Variants in PIK3C2G observed in about 807,000 individuals in gnomAD.
PIK3C2G encodes phosphatidylinositol 3-kinase C2 domain-containing subunit gamma.
In PIK3C2G, 168 loss-of-function variants were observed where a neutral mutation model predicts 181.1. The ratio of observed to expected loss-of-function variants is 0.93; its 90% CI spans 0.82 to 1.05. PIK3C2G has a LOEUF of 1.05. PIK3C2G is among the 50% of genes least tolerant of loss of function. The pLI is 0.00. For missense variants in PIK3C2G, 1,869 were observed against 1,732.8 expected, an observed-to-expected ratio of 1.08 and a Z score of -1.40; for synonymous variants, 573 against 592.2, an observed-to-expected ratio of 0.97 and a Z score of 0.47.
the PIK3C2G span, among the ~76,000 whole-genome samples, chr12:18,709,321 A>G: frequency 6.6e-6 from 1 of 152,016 alleles, no homozygotes; most frequent in Non-Finnish European, 1.5e-5. Flanking sequence ...AATTAGGTTG[A>G]CCATATATGC....
chr12:18,592,822 A>G (rs1947154814), intron 29 of PIK3C2G, among the ~76,000 whole-genome samples: 2 of 151,966 alleles, frequency 1.3e-5, no homozygotes, highest in Non-Finnish European at 2.9e-5. Flanking sequence ...GGAATCTTCT[A>G]CAAGGTTCCT....
At chr12:18,624,189 G>A (rs535680309) in intron 31 of PIK3C2G, among the ~76,000 whole-genome samples, 1 of 151,586 alleles carries the variant, frequency 6.6e-6, no homozygotes, top group South Asian at 2.1e-4. Context: ...GGCCTTAATT[G>A]TGCTGAGATA....
chr12:18,429,960 T>G (rs1185535043), intron 18 of PIK3C2G, among the ~76,000 whole-genome samples: 1 of 152,150 alleles, frequency 6.6e-6, no homozygotes, highest in Non-Finnish European at 1.5e-5. Context: ...ATAATTTACA[T>G]TCCAGAGCCT....
chr12:18,552,023 C>T (rs138311504), intron 26 of PIK3C2G, among the ~76,000 whole-genome samples: 1 of 151,978 alleles, frequency 6.6e-6, no homozygotes, highest in Non-Finnish European at 1.5e-5. Flanking sequence ...TAGCCTAGAG[C>T]TTCTTCTGTG....
At chr12:18,277,550 T>C (rs1032851971) in intron 1 of PIK3C2G, among the ~76,000 whole-genome samples, 16 of 152,172 alleles carry the variant, frequency 1.1e-4, no homozygotes, top group African/African-American at 3.9e-4. Context: ...AAATTTGTTA[T>C]CTGAAATAAA....
intron 24 of PIK3C2G, among the ~76,000 whole-genome samples, chr12:18,509,341 C>A (rs551177892): frequency 1.1e-4 from 16 of 152,310 alleles, no homozygotes; most frequent in Admixed American, 9.8e-4. Context: ...AGCCACTGCA[C>A]CCAGTTACAA....
intron 18 of PIK3C2G, among the ~76,000 whole-genome samples, chr12:18,467,384 T>C (rs1938002445): frequency 6.6e-6 from 1 of 151,998 alleles, no homozygotes; most frequent in Non-Finnish European, 1.5e-5. Flanking sequence ...AATATTTCTT[T>C]TTTCAAATTT....
chr12:18,285,601 T>C (rs1279834331), intron 2 of PIK3C2G, among the ~76,000 whole-genome samples: 1 of 152,040 alleles, frequency 6.6e-6, no homozygotes, highest in Non-Finnish European at 1.5e-5. Context: ...TATTGTAAAT[T>C]CTTACATATT....
At chr12:18,427,307 A>G (rs1471899867) in intron 18 of PIK3C2G, among the ~76,000 whole-genome samples, 6 of 151,696 alleles carry the variant, frequency 4.0e-5, no homozygotes, top group African/African-American at 1.5e-4. Context: ...GGAGTCCGAG[A>G]TCAGCCAGGC....
intron 9 of PIK3C2G, among the ~76,000 whole-genome samples, chr12:18,342,329 T>C (rs1939217880): frequency 6.6e-6 from 1 of 152,088 alleles, no homozygotes; most frequent in Non-Finnish European, 1.5e-5. Context: ...AAAAGTTGCA[T>C]ATAAATGTAA....
At chr12:18,701,191 A>G in the PIK3C2G span, among the ~76,000 whole-genome samples, 110 of 151,940 alleles carry the variant, frequency 7.2e-4, 1 homozygote, top group South Asian at 2.1e-3. Flanking sequence ...CACCATGTTG[A>G]CCAGGCTGAT....
At chr12:18,696,322 C>CTCTATATATATATATATATATA in the PIK3C2G span, 1 of 253,072 alleles carries the variant, frequency 4.0e-6, no homozygotes, top group Non-Finnish European at 6.8e-6. Context: ...TAAAAAGCCA[C>CTCTATATATATATATATATATA]TATATATATA....
chr12:18,642,786 CTGTGTGTG>C lies in PIK3C2G; in HGVS notation c.4308+2262_4308+2269del, dbSNP rs56095750. On this transcript the variant is annotated intron_variant, in intron 32 of 32. Coordinates refer to ENST00000538779, the MANE Select transcript of PIK3C2G (RefSeq NM_001288772.2). ...ATTCGGGGCAGTTTTATAAGTGACA[CTGTGTGTG>C]TGTGTGTGTGTGTGTGTGTGTGTGT... 3.7e-3 allele frequency among the ~76,000 whole-genome samples: 529 copies of C among 143,178 alleles called. 6 individuals are homozygous for C. The highest frequency in any genetic ancestry group is 0.012 in the African/African-American group (467 of 37,756). The allele number at this position is 143,178 out of a possible 152,430, so 93.9% of individuals were successfully genotyped here.
At chr12:18,406,148 T>C (rs1257098104) in intron 16 of PIK3C2G, among the ~76,000 whole-genome samples, 1 of 152,194 alleles carries the variant, frequency 6.6e-6, no homozygotes, top group Non-Finnish European at 1.5e-5. Context: ...TTTCTGTGCC[T>C]GGCTTATTAT....
At chr12:18,545,477 C>T (rs1455991554) in intron 25 of PIK3C2G, among the ~76,000 whole-genome samples, 1 of 151,406 alleles carries the variant, frequency 6.6e-6, no homozygotes, top group Non-Finnish European at 1.5e-5. Flanking sequence ...AATTTATCAT[C>T]TTAGTCATAG....
intron 8 of PIK3C2G, among the ~76,000 whole-genome samples, chr12:18,330,116 G>A (rs143977442): frequency 6.6e-6 from 1 of 151,724 alleles, no homozygotes; most frequent in African/African-American, 2.4e-5. Context: ...TGCCATTTAG[G>A]GGCTTTTCGC....
intron 11 of PIK3C2G, among the ~76,000 whole-genome samples, chr12:18,350,640 C>T (rs1408584044): frequency 6.6e-6 from 1 of 152,144 alleles, no homozygotes; most frequent in Non-Finnish European, 1.5e-5. Flanking sequence ...ATAAACTTGG[C>T]TCATCGTATT....
At chr12:18,353,896 T>A (rs2137723310) in intron 11 of PIK3C2G, among the ~76,000 whole-genome samples, 1 of 152,332 alleles carries the variant, frequency 6.6e-6, no homozygotes, top group South Asian at 2.1e-4. Flanking sequence ...GTCCAAGTCC[T>A]ACATAAATCC....
intron 4 of PIK3C2G, among the ~76,000 whole-genome samples, chr12:18,292,159 G>A (rs1173413111): frequency 2.3e-5 from 3 of 131,516 alleles, no homozygotes; most frequent in Admixed American, 8.8e-5. Flanking sequence ...GCAGTGAGCC[G>A]AGATCGCACC....
Sources: gnomAD v4.1 joint callset for allele counts (sites outside exome capture counted in the v4.1 genomes callset) on GRCh38, gnomAD v4.1.1 for gene constraint, MANE v1.5 for transcripts, NCBI Gene and HGNC (gene_info 2026-07-23, HGNC 2026-07-21) for gene names.